CACHD1: variants seen among roughly 807,000 people sequenced by gnomAD.
The protein encoded by CACHD1 is cache domain containing 1, also known as VWFA and cache domain-containing protein 1.
In CACHD1, 71 loss-of-function variants were observed where a neutral mutation model predicts 138.7. The observed-to-expected ratio is 0.51, with a 90% CI of 0.42 to 0.62. CACHD1 has a LOEUF of 0.62. Among genes scored for constraint, CACHD1 ranks in the 20% least tolerant of loss-of-function variants. CACHD1 has a pLI of 0.00. For synonymous variants in CACHD1, 578 were observed against 591.5 expected (o/e 0.98, Z 0.33); for missense variants, 1,389 against 1,625.3 (o/e 0.85, Z 2.50).
intron 7 of CACHD1, 117 bp from the exon 8 acceptor site, chr1:64,641,703 A>G: frequency 1.5e-6 from 1 of 666,312 alleles, no homozygotes; most frequent in Non-Finnish European, 2.5e-6. Flanking sequence ...AGGGACTAGG[A>G]ACCGTGGGCT....
chr1:64,514,681 A>G (rs954313789), intron 1 of CACHD1, among the ~76,000 whole-genome samples: 1 of 152,170 alleles, frequency 6.6e-6, no homozygotes, highest in African/African-American at 2.4e-5. Flanking sequence ...TTAGCTTTTT[A>G]TGATGGTGTC....
intron 4 of CACHD1, among the ~76,000 whole-genome samples, chr1:64,608,262 C>T (rs1482789662): frequency 2.0e-5 from 3 of 152,200 alleles, no homozygotes; most frequent in Non-Finnish European, 4.4e-5. Flanking sequence ...AGTCCACATA[C>T]TTGAGCAGTT....
chr1:64,484,331 A>G (rs150754927), intron 1 of CACHD1, among the ~76,000 whole-genome samples: 1 of 152,110 alleles, frequency 6.6e-6, no homozygotes, highest in Admixed American at 6.5e-5. Context: ...GGGGTCTAGC[A>G]TTCCAACAGA....
At chr1:64,530,922 T>G (rs756768649) in intron 1 of CACHD1, among the ~76,000 whole-genome samples, 4 of 56,472 alleles carry the variant, frequency 7.1e-5, no homozygotes, top group African/African-American at 8.7e-5. Context: ...CATTCCATCG[T>G]GTTTTTTTTT....
chr1:64,686,363 G>A (rs887069567), intron 26 of CACHD1, among the ~76,000 whole-genome samples: 2 of 152,130 alleles, frequency 1.3e-5, no homozygotes, highest in South Asian at 2.1e-4. Flanking sequence ...AGAAACTTTA[G>A]GGTGTATTTT....
chr1:64,624,881 G>A (rs982639082), intron 4 of CACHD1, among the ~76,000 whole-genome samples: 24 of 152,336 alleles, frequency 1.6e-4, no homozygotes, highest in African/African-American at 5.5e-4. Flanking sequence ...TAAGTCCTAT[G>A]TGTAGTATAT....
chr1:64,670,185 C>T (rs1649768536), intron 16 of CACHD1, among the ~76,000 whole-genome samples: 1 of 152,166 alleles, frequency 6.6e-6, no homozygotes, highest in African/African-American at 2.4e-5. Context: ...TGTCTGTAGT[C>T]CCAGCTACTT....
chr1:64,544,815 C>T (rs1203590965), intron 1 of CACHD1, among the ~76,000 whole-genome samples: 1 of 152,020 alleles, frequency 6.6e-6, no homozygotes, highest in Non-Finnish European at 1.5e-5. Context: ...TGTAACATAC[C>T]TTTAGAACAT....
Position 64,654,776 on chromosome 1 carries a change from C to T in CACHD1, c.1755C>T (p.Ala585=). ...INKLRETGKE[A]YNVSYAWKMV... is the part of the protein sequence containing the mutation. The stretch of plus-strand genomic sequence containing the variant: ...AGCTGAGAGAAACTGGAAAGGAAGC[C>T]TACAATGTTAGCTATGCCTGGAAGA... The change falls in exon 12 of 27, where the codon GCC becomes GCT. Residue 585 remains alanine, a synonymous_variant. Coordinates refer to ENST00000651257, the MANE Select transcript of CACHD1 (RefSeq NM_020925.4). 1.9e-6 allele frequency: 3 copies of T among 1,613,254 alleles called. No homozygotes were observed. Among genetic ancestry groups the T allele is most frequent in the Non-Finnish European group, 2.5e-6 (3 of 1,179,254 alleles).
intron 3 of CACHD1, among the ~76,000 whole-genome samples, chr1:64,592,510 G>A (rs1005925337): frequency 4.6e-5 from 7 of 152,206 alleles, no homozygotes; most frequent in African/African-American, 1.7e-4. Context: ...TGAAAAAGTG[G>A]TAGTCAAGGC....
chr1:64,569,294 T>A (rs1414244303), intron 2 of CACHD1, among the ~76,000 whole-genome samples: 1 of 152,158 alleles, frequency 6.6e-6, no homozygotes, highest in Non-Finnish European at 1.5e-5. Flanking sequence ...ATATACAAAT[T>A]TAAAAATATA....
At chr1:64,520,298 G>A (rs1332970901) in intron 1 of CACHD1, among the ~76,000 whole-genome samples, 1 of 152,144 alleles carries the variant, frequency 6.6e-6, no homozygotes, top group East Asian at 1.9e-4. Context: ...ACCAGGGATG[G>A]CCCATTTCTC....
At chr1:64,527,283 T>C (rs12075360) in intron 1 of CACHD1, among the ~76,000 whole-genome samples, 71 of 152,202 alleles carry the variant, frequency 4.7e-4, no homozygotes, top group African/African-American at 1.4e-3. Flanking sequence ...GTGCGGCCCA[T>C]GTGACTTCTT....
intron 4 of CACHD1, among the ~76,000 whole-genome samples, chr1:64,620,688 C>T (rs546611977): frequency 2.0e-4 from 30 of 152,306 alleles, no homozygotes; most frequent in African/African-American, 6.5e-4. Flanking sequence ...ACCTACCATA[C>T]TCTTTCTTTC....
rs1650545320 is a variant in CACHD1 at position 64,691,330 on chromosome 1, C to T, written c.3594C>T (p.Ser1198=). Residue 1198 remains serine, a synonymous_variant, in exon 27 of 27, where the codon AGC becomes AGT. Coordinates refer to ENST00000651257, the MANE Select transcript of CACHD1 (RefSeq NM_020925.4). ...RSGTESDHGY[S]TMSPQEDSEN... Reference sequence around the variant, plus strand: ...GTTTTGTTCTTTTTCTAGGTTACAGCACCATGAGCCCACAGGAGGACAGTG... The same window carrying T: ...GTTTTGTTCTTTTTCTAGGTTACAGTACCATGAGCCCACAGGAGGACAGTG... The T allele has an allele frequency of 6.2e-7, 1 of 1,613,782 alleles. No individual in the cohort carries two copies. The highest frequency in any genetic ancestry group is 8.5e-7 in the Non-Finnish European group (1 of 1,179,862).
chr1:64,483,333 G>A (rs188570215), intron 1 of CACHD1, among the ~76,000 whole-genome samples: 13 of 152,268 alleles, frequency 8.5e-5, no homozygotes, highest in Admixed American at 5.9e-4. Flanking sequence ...GACTTCATTA[G>A]TTAATTCATT....
intron 2 of CACHD1, among the ~76,000 whole-genome samples, chr1:64,569,668 C>T (rs1034149997): frequency 1.3e-5 from 2 of 152,134 alleles, no homozygotes; most frequent in Admixed American, 1.3e-4. Flanking sequence ...GTTACGTAAG[C>T]AGCCATTAGT....
intron 1 of CACHD1, among the ~76,000 whole-genome samples, chr1:64,508,517 C>T (rs367709465): frequency 6.6e-6 from 1 of 152,074 alleles, no homozygotes. Flanking sequence ...CCTCAATTTC[C>T]GCATGCGTAA....
At chr1:64,524,465 T>A (rs1193726347) in intron 1 of CACHD1, among the ~76,000 whole-genome samples, 2 of 152,204 alleles carry the variant, frequency 1.3e-5, no homozygotes, top group African/African-American at 2.4e-5. Flanking sequence ...CTCTTGACTG[T>A]GTGACATTAC....
Sources: allele counts gnomAD v4.1 joint callset (sites outside exome capture counted in the v4.1 genomes callset), GRCh38; gene constraint gnomAD v4.1.1; transcripts MANE v1.5; gene names NCBI Gene and HGNC (gene_info 2026-07-23, HGNC 2026-07-21).